The following AFF1 variants were observed in gnomAD, a reference collection of about 807,000 sequenced individuals.
AFF1 encodes AF4/FMR2 family member 1.
Under a neutral mutation model 121.7 loss-of-function variants are expected in AFF1, and 48 were observed. The ratio of observed to expected loss-of-function variants is 0.39; its 90% CI spans 0.31 to 0.50. The LOEUF (loss-of-function observed/expected upper bound fraction) is 0.50, where lower values mean the gene tolerates loss of function less well. Among genes scored for constraint, AFF1 ranks in the 20% least tolerant of loss-of-function variants. AFF1 has a pLI of 0.76. For synonymous variants in AFF1, 613 were observed against 563.0 expected, an observed-to-expected ratio of 1.09 and a Z score of -1.26; for missense variants, 1,523 against 1,511.7, an observed-to-expected ratio of 1.01 and a Z score of -0.12.
intron 4 of AFF1, among the ~76,000 whole-genome samples, chr4:87,069,544 T>TTCTCTCCCCTTTCCCTCTCCTC (rs1721776472): frequency 1.4e-5 from 2 of 141,356 alleles, no homozygotes; most frequent in African/African-American, 5.9e-5. Flanking sequence ...CCCCTCCTCT[T>TTCTCTCCCCTTTCCCTCTCCTC]TCTCTCCCCT....
rs371450491 is a variant in AFF1 at position 87,114,723 on chromosome 4, G to C, written c.1890G>C (p.Gly630=). ...ARAGSRTSLQ[G]EREPGLLPYG... Reference sequence around the variant, plus strand: ...CAGGTTCACGGACCAGCCTGCAGGGGGAAAGGGAGCCAGGGCTTCTTCCCT... The same window carrying C: ...CAGGTTCACGGACCAGCCTGCAGGGCGAAAGGGAGCCAGGGCTTCTTCCCT... The change falls in exon 12 of 21, where the codon GGG becomes GGC. Residue 630 remains glycine, a synonymous_variant. Transcript: ENST00000395146. 1.2e-6 allele frequency: 2 copies of C among 1,613,920 alleles called. No individual in the cohort carries two copies. Among genetic ancestry groups the C allele is most frequent in the African/African-American group, 2.7e-5 (2 of 74,908 alleles).
intron 2 of AFF1, among the ~76,000 whole-genome samples, chr4:87,021,087 T>G (rs1038008106): frequency 6.6e-6 from 1 of 152,190 alleles, no homozygotes; most frequent in Non-Finnish European, 1.5e-5. Context: ...ATGATCGGGC[T>G]GATTGCCCTT....
chr4:87,015,557 A>G (rs933410669), intron 2 of AFF1, among the ~76,000 whole-genome samples: 1 of 152,210 alleles, frequency 6.6e-6, no homozygotes, highest in Non-Finnish European at 1.5e-5. Flanking sequence ...CAGAAGATGA[A>G]AAGTCCTAGG....
chr4:87,052,588 C>A (rs1023728217), intron 4 of AFF1, among the ~76,000 whole-genome samples: 1 of 151,048 alleles, frequency 6.6e-6, no homozygotes, highest in African/African-American at 2.4e-5. Flanking sequence ...TGATTGAAAC[C>A]ATTGGATAAT....
intron 4 of AFF1, among the ~76,000 whole-genome samples, chr4:87,058,817 A>G (rs573565976): frequency 4.0e-5 from 6 of 151,698 alleles, no homozygotes; most frequent in East Asian, 3.9e-4. Context: ...CCTCCCCTCT[A>G]CTTGCAACCC....
At chr4:87,021,082 C>T (rs340647) in intron 2 of AFF1, among the ~76,000 whole-genome samples, 129,066 of 152,130 alleles carry the variant, frequency 0.85, 56,945 homozygotes, top group Non-Finnish European at 0.96. Context: ...AATATATGAT[C>T]GGGCTGATTG....
chr4:87,068,081 C>CAAAGA (rs70953644), intron 4 of AFF1, among the ~76,000 whole-genome samples: 1 of 151,926 alleles, frequency 6.6e-6, no homozygotes, highest in African/African-American at 2.4e-5. Flanking sequence ...GGATAAATAA[C>CAAAGA]GAAACTTAGG....
At chr4:87,130,313 G>T (rs1052954278) in intron 16 of AFF1, among the ~76,000 whole-genome samples, 3 of 152,256 alleles carry the variant, frequency 2.0e-5, no homozygotes, top group Admixed American at 2.0e-4. Context: ...CAAATACAAA[G>T]CAGAAATTAC....
At chr4:87,006,709 C>T (rs1235918742) in intron 2 of AFF1, among the ~76,000 whole-genome samples, 3 of 152,244 alleles carry the variant, frequency 2.0e-5, no homozygotes, top group Non-Finnish European at 4.4e-5. Context: ...GAGTTCTGAG[C>T]GGCTGGGTAC....
rs190167847 is a variant in AFF1 at position 87,086,414 on chromosome 4, C to T, written c.1104+2250C>T. Among the ~76,000 whole-genome samples, 15 of 152,256 alleles carry T rather than the reference C, an allele frequency of 9.9e-5. No homozygotes were observed. In the East Asian group the frequency reaches 1.2e-3, roughly 12 times the overall value. Reference sequence around the variant, plus strand: ...GCATCTTTAATTGAAGGAACCCATCCGTCCTCCTTCCCTTCCCACCCAGGA... The same window carrying T: ...GCATCTTTAATTGAAGGAACCCATCTGTCCTCCTTCCCTTCCCACCCAGGA... On this transcript the variant is annotated intron_variant, in intron 5 of 20. Transcript: ENST00000395146.
intron 4 of AFF1, among the ~76,000 whole-genome samples, chr4:87,050,792 G>A (rs1232630282): frequency 6.6e-6 from 1 of 152,230 alleles, no homozygotes; most frequent in African/African-American, 2.4e-5. Context: ...GCGATCTCAC[G>A]TGGATCCCGT....
chr4:87,096,751 C>G (rs1044369979), intron 8 of AFF1, among the ~76,000 whole-genome samples: 5 of 151,668 alleles, frequency 3.3e-5, no homozygotes, highest in African/African-American at 1.2e-4. Context: ...TTCTTTTTTT[C>G]CTTTTTAATT....
At chr4:87,007,106 G>A (rs1726209585) in intron 2 of AFF1, 1 of 1,260,088 alleles carries the variant, frequency 7.9e-7, no homozygotes, top group Non-Finnish European at 1.0e-6. Flanking sequence ...AAACTGCGCC[G>A]GGGGCGCTCG....
intron 2 of AFF1, 91 bp from the exon 3 acceptor site, chr4:87,046,075 C>G: frequency 2.0e-6 from 3 of 1,487,592 alleles, no homozygotes; most frequent in Non-Finnish European, 2.8e-6. Flanking sequence ...CAGACCTGTC[C>G]TCACCTCCCT....
At chr4:87,033,080 T>C (rs1729221983) in intron 2 of AFF1, among the ~76,000 whole-genome samples, 1 of 152,128 alleles carries the variant, frequency 6.6e-6, no homozygotes, top group South Asian at 2.1e-4. Flanking sequence ...AGCCCAGAAG[T>C]TGGAGGCTGC....
intron 2 of AFF1, among the ~76,000 whole-genome samples, chr4:86,998,868 G>C (rs4693155): frequency 0.94 from 142,498 of 152,220 alleles, 67,034 homozygotes; most frequent in Non-Finnish European, 0.98. Context: ...TCTACTTTCA[G>C]TATCTCAAGA....
intron 2 of AFF1, among the ~76,000 whole-genome samples, chr4:86,965,977 A>G (rs183787134): frequency 6.6e-6 from 1 of 152,140 alleles, no homozygotes; most frequent in East Asian, 1.9e-4. Flanking sequence ...CAGAGCTGTC[A>G]TCCATTGATT....
Position 87,115,037 on chromosome 4 carries a change from T to C in AFF1, c.2204T>C (p.Val735Ala). 6.2e-7 allele frequency: 1 copy of C among 1,614,114 alleles called. No individual in the cohort carries two copies. Among genetic ancestry groups the C allele is most frequent in the Non-Finnish European group, 8.5e-7 (1 of 1,180,018 alleles). ...GSRTSGCRQA[V>A]VVQEDSRKDR... ...AGGACTAGTGGCTGCCGCCAAGCCG[T>C]GGTGGTCCAGGAGGACAGCCGCAAA... The change falls in exon 12 of 21, where the codon GTG becomes GCG. Residue 735 changes from valine (V) to alanine (A), a missense_variant. Physicochemically the swap from Val to Ala is moderately conservative, Grantham distance 64. Coordinates refer to ENST00000395146, the MANE Select transcript of AFF1 (RefSeq NM_001166693.3).
intron 4 of AFF1, among the ~76,000 whole-genome samples, chr4:87,049,499 C>A (rs1437548542): frequency 6.6e-6 from 1 of 152,124 alleles, no homozygotes; most frequent in Admixed American, 6.5e-5. Context: ...GTATTTTGAA[C>A]ATAGGACTAT....
Sources: allele counts gnomAD v4.1 joint callset (sites outside exome capture counted in the v4.1 genomes callset), GRCh38; gene constraint gnomAD v4.1.1; transcripts MANE v1.5; gene names NCBI Gene and HGNC (gene_info 2026-07-23, HGNC 2026-07-21).